The following PGM2L1 variants were observed in gnomAD, a reference collection of about 807,000 sequenced individuals.
PGM2L1 encodes the protein phosphoglucomutase 2 like 1.
Under a neutral mutation model 73.4 loss-of-function variants are expected in PGM2L1, and 35 were observed. The observed-to-expected ratio is 0.48, with a 90% CI of 0.36 to 0.63. PGM2L1 has a LOEUF of 0.63. Among genes scored for constraint, PGM2L1 ranks in the 30% least tolerant of loss-of-function variants. The probability of loss-of-function intolerance (pLI) is 0.00; values close to 1 mark genes in which losing one functional copy is unlikely to be tolerated. For missense variants in PGM2L1, 570 were observed against 742.0 expected (o/e 0.77, Z 2.69); for synonymous variants, 225 against 253.8 (o/e 0.89, Z 1.08).
chr11:74,338,701 C>G, intron 12 of PGM2L1, 100 bp from the exon 13 acceptor site: 4 of 1,348,444 alleles, frequency 3.0e-6, no homozygotes, highest in Non-Finnish European at 9.9e-7. Flanking sequence ...TATGAGGTAT[C>G]TAAAGTCGTC....
At chr11:74,340,149 G>A (rs1862161757) in intron 12 of PGM2L1, among the ~76,000 whole-genome samples, 2 of 152,214 alleles carry the variant, frequency 1.3e-5, no homozygotes, top group African/African-American at 4.8e-5. Context: ...ACATGGAAAA[G>A]AGAGAATTCA....
At chr11:74,338,306 G>A (rs1302567485) in intron 13 of PGM2L1, among the ~76,000 whole-genome samples, 162 bp downstream of exon 13, 2 of 152,146 alleles carry the variant, frequency 1.3e-5, no homozygotes, top group Non-Finnish European at 2.9e-5. Context: ...GGGCTTTTGG[G>A]GGTGATGAAA....
rs541484401 is a variant in PGM2L1, at chr11:74,396,025, G to C, written c.111+2026C>G. ...CCAACACTTTGGGAGGCTGAGGTGGGAGAATCCCTTGAGGCCCAGAGTTCA... is the reference window on the plus strand; with the variant it reads ...CCAACACTTTGGGAGGCTGAGGTGGCAGAATCCCTTGAGGCCCAGAGTTCA... On this transcript the variant is annotated intron_variant, in intron 1 of 13. Transcript: ENST00000298198. Among the ~76,000 whole-genome samples, 4 of 152,036 alleles carry C rather than the reference G, an allele frequency of 2.6e-5. No individual in the cohort carries two copies. The South Asian group carries it at 6.2e-4, about 24-fold the overall frequency.
intron 4 of PGM2L1, 137 bp from the exon 5 acceptor site, chr11:74,368,712 A>G: frequency 6.7e-6 from 4 of 599,542 alleles, no homozygotes; most frequent in East Asian, 6.0e-5. Context: ...TTTATTTTCT[A>G]TTTACTTGAT....
chr11:74,386,724 G>A (rs1863023711), intron 1 of PGM2L1, among the ~76,000 whole-genome samples: 1 of 152,036 alleles, frequency 6.6e-6, no homozygotes, highest in Non-Finnish European at 1.5e-5. Context: ...CAATCCTCCT[G>A]CCCTGGCCTC....
At chr11:74,355,161 G>T in intron 5 of PGM2L1, 1 of 1,393,526 alleles carries the variant, frequency 7.2e-7, no homozygotes, top group Admixed American at 1.7e-5. Flanking sequence ...TGGATATGGT[G>T]GCAGTGGGGA....
At chr11:74,351,307 T>A (rs76196117) in intron 6 of PGM2L1, 76 bp downstream of exon 6, 1 of 1,364,074 alleles carries the variant, frequency 7.3e-7, no homozygotes, top group Non-Finnish European at 1.0e-6. Flanking sequence ...TAGACAACAC[T>A]TTTTATCACT....
chr11:74,356,999 G>T (rs1318654462), intron 5 of PGM2L1, among the ~76,000 whole-genome samples: 1 of 151,972 alleles, frequency 6.6e-6, no homozygotes, highest in Non-Finnish European at 1.5e-5. Context: ...ATGTCCAGCT[G>T]ATTTATTTTA....
chr11:74,345,400 G>A, intron 9 of PGM2L1, 69 bp downstream of exon 9: 1 of 1,277,374 alleles, frequency 7.8e-7, no homozygotes, highest in Non-Finnish European at 1.1e-6. Context: ...GTCAGTCTTG[G>A]TGGGGAGATG....
intron 3 of PGM2L1, among the ~76,000 whole-genome samples, chr11:74,371,454 A>C (rs1862751675): frequency 6.6e-6 from 1 of 152,214 alleles, no homozygotes; most frequent in African/African-American, 2.4e-5. Context: ...CCTTTGCCAA[A>C]ATATTAAAGT....
In PGM2L1 at chr11:74,370,902, T is replaced by A. The variant is rs1862740710; in HGVS notation, c.471A>T (p.Val157=). 2.5e-6 allele frequency: 4 copies of A among 1,605,504 alleles called. No individual in the cohort carries two copies. In the East Asian group the frequency reaches 8.9e-5, roughly 36 times the overall value. Reference sequence around the variant, plus strand: ...ATGATCACCAACACAACACACTTACTACAAAAGGTGTAGGAACATATCTTG... The same window carrying A: ...ATGATCACCAACACAACACACTTACAACAAAAGGTGTAGGAACATATCTTG... ...LFSRYVPTPF[V]PYAVQKLKAV... Residue 157 remains valine (V), a splice_region_variant and synonymous_variant, in exon 4 of 14, where the codon GTA becomes GTT. Transcript: ENST00000298198.
rs1213775828 is a variant in PGM2L1, at chr11:74,347,183, T to C, written c.904A>G (p.Lys302Glu). Reference sequence around the variant, plus strand: ...TCTCCTTCTTCAGGATTTGGACATTTAACGGTAGAAAAGTCTGGATCAGGA... The same window carrying C: ...TCTCCTTCTTCAGGATTTGGACATTCAACGGTAGAAAAGTCTGGATCAGGA... ...KDPDPDFSTV[K>E]CPNPEEGESV... Residue 302 changes from lysine to glutamate, a missense_variant, in exon 7 of 14, where the codon AAA (lysine) becomes GAA (glutamate). Coordinates refer to ENST00000298198, the MANE Select transcript of PGM2L1 (RefSeq NM_173582.6). 3 of 1,600,006 alleles carry C rather than the reference T, an allele frequency of 1.9e-6. No individual in the cohort carries two copies.
At chr11:74,338,976 T>C (rs939642734) in intron 12 of PGM2L1, among the ~76,000 whole-genome samples, 2 of 152,328 alleles carry the variant, frequency 1.3e-5, no homozygotes, top group Admixed American at 1.3e-4. Context: ...GAAGATTACC[T>C]ATATGTAATA....
At chr11:74,343,264 A>G in intron 10 of PGM2L1, 59 bp downstream of exon 10, 1 of 1,514,652 alleles carries the variant, frequency 6.6e-7, no homozygotes, top group Non-Finnish European at 8.8e-7. Flanking sequence ...CTCCTCCTAC[A>G]GAATTACATT....
chr11:74,398,044 T>G lies in PGM2L1; in HGVS notation c.111+7A>C, dbSNP rs762735045. ...GACGGCGTTTGCCGGGCTGACCAGG[T>G]ACCCACCTTATCCCAGCGGAGCCAC... On this transcript the variant is annotated splice_region_variant and intron_variant, in intron 1 of 13. Transcript: ENST00000298198. The G allele has an allele frequency of 1.4e-5, 23 of 1,602,016 alleles. No homozygotes were observed. Among genetic ancestry groups the G allele is most frequent in the Non-Finnish European group, 1.9e-5 (22 of 1,173,564 alleles).
intron 6 of PGM2L1, 48 bp from the exon 7 acceptor site, chr11:74,347,385 T>C (rs1862283335): frequency 2.9e-6 from 4 of 1,364,866 alleles, no homozygotes; most frequent in African/African-American, 3.0e-5. Flanking sequence ...ACCTCTTACC[T>C]TTGATATAAT....
intron 5 of PGM2L1, among the ~76,000 whole-genome samples, chr11:74,360,282 AAGGGAGGG>A (rs140100286): frequency 1.4e-5 from 2 of 147,026 alleles, no homozygotes; most frequent in Admixed American, 6.8e-5. Context: ...AGAAGGAAGG[AAGGGAGGG>A]AGGTAGGGAG....
At position 74,352,599 on chromosome 11, in the gene PGM2L1, G is replaced by A. The variant is rs12270344; in HGVS notation, c.556-1023C>T. On this transcript the variant is annotated intron_variant, in intron 5 of 13. Coordinates refer to ENST00000298198, the MANE Select transcript of PGM2L1 (RefSeq NM_173582.6). ...CCCCTCTATTGCATCCTGAATGAAG[G>A]AAAGAAGAATACATTTGAATCTGTG... Among the ~76,000 whole-genome samples, 611 of 152,278 alleles carry A rather than the reference G, an allele frequency of 4.0e-3. 6 individuals are homozygous for A. The highest frequency in any genetic ancestry group is 0.014 in the African/African-American group (576 of 41,550).
At chr11:74,370,382 T>G (rs1862734112) in intron 4 of PGM2L1, among the ~76,000 whole-genome samples, 2 of 152,224 alleles carry the variant, frequency 1.3e-5, no homozygotes, top group Non-Finnish European at 1.5e-5. Flanking sequence ...CCATGAATAG[T>G]TTATGAATGT....
Sources: gnomAD v4.1 joint callset for allele counts (sites outside exome capture counted in the v4.1 genomes callset) on GRCh38, gnomAD v4.1.1 for gene constraint, MANE v1.5 for transcripts, NCBI Gene and HGNC (gene_info 2026-07-23, HGNC 2026-07-21) for gene names.